The following INPP4B variants were observed in gnomAD, a reference collection of about 807,000 sequenced individuals.
INPP4B encodes the protein inositol polyphosphate-4-phosphatase type II B.
In INPP4B, 55 loss-of-function variants were observed where a neutral mutation model predicts 122.5. The observed-to-expected ratio is 0.45, with a 90% CI of 0.36 to 0.56. INPP4B has a LOEUF of 0.56. Ranked by LOEUF, INPP4B falls within the 20% of genes least tolerant of loss-of-function variation. The pLI is 0.00. For synonymous variants in INPP4B, 403 were observed against 388.7 expected, an observed-to-expected ratio of 1.04 and a Z score of -0.43; for missense variants, 1,000 against 1,097.7, an observed-to-expected ratio of 0.91 and a Z score of 1.26.
intron 15 of INPP4B, among the ~76,000 whole-genome samples, chr4:142,175,882 G>T (rs978286809): frequency 7.9e-5 from 12 of 152,010 alleles, no homozygotes; most frequent in Non-Finnish European, 1.5e-4. Context: ...AACAACTTTT[G>T]ATACCCAGCA....
chr4:142,090,493 T>C (rs1396005519), intron 23 of INPP4B, among the ~76,000 whole-genome samples: 1 of 151,928 alleles, frequency 6.6e-6, no homozygotes, highest in Non-Finnish European at 1.5e-5. Flanking sequence ...AGTTTGTTAA[T>C]AGGTGAGGTT....
chr4:142,158,466 G>A (rs1818376224), intron 17 of INPP4B, among the ~76,000 whole-genome samples: 1 of 152,088 alleles, frequency 6.6e-6, no homozygotes, highest in Non-Finnish European at 1.5e-5. Flanking sequence ...TGACTGAAGG[G>A]AATAGTGCTC....
At chr4:142,041,357 C>T (rs933500291) in intron 25 of INPP4B, among the ~76,000 whole-genome samples, 2 of 152,022 alleles carry the variant, frequency 1.3e-5, no homozygotes, top group Non-Finnish European at 2.9e-5. Context: ...GTGGCTTATG[C>T]CTGTAATCCC....
At chr4:142,529,629 AT>A (rs529894726) in intron 2 of INPP4B, among the ~76,000 whole-genome samples, 29 of 152,096 alleles carry the variant, frequency 1.9e-4, no homozygotes, top group Non-Finnish European at 3.8e-4. Flanking sequence ...ATTGATGAAT[AT>A]AATATCCATA....
At chr4:142,186,662 A>G (rs186593102) in intron 15 of INPP4B, among the ~76,000 whole-genome samples, 54 of 152,368 alleles carry the variant, frequency 3.5e-4, no homozygotes, top group African/African-American at 1.3e-3. Flanking sequence ...GATTTCAACT[A>G]TACAAGCCTC....
chr4:142,403,705 T>A (rs2149169730), intron 6 of INPP4B, among the ~76,000 whole-genome samples: 1 of 152,328 alleles, frequency 6.6e-6, no homozygotes, highest in East Asian at 1.9e-4. Flanking sequence ...TATACATATA[T>A]ATTGCCGAAT....
At chr4:142,625,267 A>G (rs1323503873) in intron 2 of INPP4B, among the ~76,000 whole-genome samples, 1 of 152,068 alleles carries the variant, frequency 6.6e-6, no homozygotes, top group Non-Finnish European at 1.5e-5. Context: ...TTAAGCTGAT[A>G]AGCAACTTCA....
At chr4:142,401,054 C>G (rs1445391512) in intron 7 of INPP4B, among the ~76,000 whole-genome samples, 5 of 152,178 alleles carry the variant, frequency 3.3e-5, no homozygotes, top group African/African-American at 1.2e-4. Context: ...TGTCTTCGGA[C>G]TGTTGGAGAA....
At chr4:142,117,609 A>T (rs1276661812) in intron 21 of INPP4B, among the ~76,000 whole-genome samples, 2 of 152,192 alleles carry the variant, frequency 1.3e-5, no homozygotes, top group Non-Finnish European at 2.9e-5. Flanking sequence ...ACAAAATTCA[A>T]CAGCCTTTCA....
At chr4:142,452,224 G>A (rs116615538) in intron 3 of INPP4B, among the ~76,000 whole-genome samples, 128 of 152,224 alleles carry the variant, frequency 8.4e-4, no homozygotes, top group African/African-American at 2.8e-3. Context: ...TCCAGCAAAG[G>A]ACATGAACTC....
At chr4:142,605,006 G>T (rs1245244962) in intron 2 of INPP4B, among the ~76,000 whole-genome samples, 1 of 151,876 alleles carries the variant, frequency 6.6e-6, no homozygotes, top group Admixed American at 6.6e-5. Flanking sequence ...GCACACTATT[G>T]GTATAAAAAC....
chr4:142,290,230 G>A (rs1268514804), intron 9 of INPP4B, among the ~76,000 whole-genome samples: 1 of 79,816 alleles, frequency 1.3e-5, no homozygotes, highest in Non-Finnish European at 2.2e-5. Flanking sequence ...TTTTTGAGAT[G>A]GAATCTCACT....
intron 12 of INPP4B, among the ~76,000 whole-genome samples, chr4:142,221,389 C>CA (rs570703001): frequency 0.12 from 3,511 of 28,420 alleles, 518 homozygotes; most frequent in Non-Finnish European, 0.16. Flanking sequence ...GACTCCTTCT[C>CA]AAAAAAAAAA....
intron 17 of INPP4B, among the ~76,000 whole-genome samples, chr4:142,158,062 C>T (rs1818141260): frequency 6.6e-6 from 1 of 152,056 alleles, no homozygotes; most frequent in Non-Finnish European, 1.5e-5. Flanking sequence ...CTCTGTGCCT[C>T]TCACATAGCC....
chr4:142,608,730 A>C (rs906271187), intron 2 of INPP4B, among the ~76,000 whole-genome samples: 2 of 152,208 alleles, frequency 1.3e-5, no homozygotes, highest in African/African-American at 4.8e-5. Context: ...CTCTCCAACC[A>C]AAATCTCAAC....
Position 142,431,366 on chromosome 4 carries a change from C to G in INPP4B, c.-107G>C, listed in dbSNP as rs1809256596. 1 of 760,408 alleles carries G rather than the reference C, an allele frequency of 1.3e-6. No individual in the cohort carries two copies. Among genetic ancestry groups the G allele is most frequent in the Middle Eastern group, 2.4e-4 (1 of 4,164 alleles). The allele number at this position is 760,408 out of a possible 1,614,324, so 47.1% of individuals were successfully genotyped here. On this transcript the variant is annotated 5_prime_UTR_variant, in exon 4 of 26. Transcript: ENST00000262992. Reference sequence around the variant, plus strand: ...TATCTTCACACTAAAGATCTGATATCCCACTCTGAAATTCTGTACCTAGGA... The same window carrying G: ...TATCTTCACACTAAAGATCTGATATGCCACTCTGAAATTCTGTACCTAGGA...
intron 2 of INPP4B, among the ~76,000 whole-genome samples, chr4:142,530,576 TATACAC>T (rs766121822): frequency 8.0e-6 from 1 of 124,584 alleles, no homozygotes; most frequent in Non-Finnish European, 1.8e-5. Context: ...TATATATATA[TATACAC>T]ACACACACAG....
At chr4:142,086,062 T>C (rs147624045) in intron 24 of INPP4B, 82 bp downstream of exon 24, 6 of 912,560 alleles carry the variant, frequency 6.6e-6, no homozygotes, top group Non-Finnish European at 7.2e-6. Flanking sequence ...AGTGCAGAGG[T>C]TGGACCCTGC....
intron 2 of INPP4B, among the ~76,000 whole-genome samples, chr4:142,623,721 A>T (rs1237442122): frequency 4.4e-5 from 4 of 90,254 alleles, no homozygotes; most frequent in Non-Finnish European, 6.8e-5. Flanking sequence ...CTCCCCCCTC[A>T]CCCCACCCCA....
Sources: gnomAD v4.1 joint callset for allele counts (sites outside exome capture counted in the v4.1 genomes callset) on GRCh38, gnomAD v4.1.1 for gene constraint, MANE v1.5 for transcripts, NCBI Gene and HGNC (gene_info 2026-07-23, HGNC 2026-07-21) for gene names.